Variants in ATL3 observed in about 807,000 individuals in gnomAD.
ATL3 encodes the protein atlastin-3.
A neutral mutation model predicts 69.5 loss-of-function variants in ATL3; 49 were observed. That is an observed-to-expected ratio of 0.71 (90% CI 0.56 to 0.89). The LOEUF (loss-of-function observed/expected upper bound fraction) is 0.89, where lower values mean the gene tolerates loss of function less well. Among genes scored for constraint, ATL3 ranks in the 40% least tolerant of loss-of-function variants. The pLI is 0.00. For synonymous variants in ATL3, 214 were observed against 224.1 expected, an observed-to-expected ratio of 0.95 and a Z score of 0.40; for missense variants, 606 against 645.7, an observed-to-expected ratio of 0.94 and a Z score of 0.67.
chr11:63,653,551 A>G (rs80229891), intron 3 of ATL3, among the ~76,000 whole-genome samples: 2,051 of 152,310 alleles, frequency 0.013, 51 homozygotes, highest in African/African-American at 0.047. Flanking sequence ...GAGTATTTAT[A>G]GGAGCTTTAT....
upstream of ATL3, chr11:63,671,554 T>TAGGCG (rs1355511649): frequency 1.7e-5 from 24 of 1,425,384 alleles, 1 homozygote; most frequent in Non-Finnish European, 1.8e-5. Flanking sequence ...AGGACGAGGC[T>TAGGCG]AGGCGAGGCG....
chr11:63,638,803 C>T (rs1006309182), intron 8 of ATL3, among the ~76,000 whole-genome samples: 1 of 150,952 alleles, frequency 6.6e-6, no homozygotes, highest in African/African-American at 2.4e-5. Context: ...TATACCAAAA[C>T]TAAGATCATG....
At chr11:63,670,864 G>A (rs1377487309) in intron 1 of ATL3, among the ~76,000 whole-genome samples, 1 of 152,236 alleles carries the variant, frequency 6.6e-6, no homozygotes, top group Non-Finnish European at 1.5e-5. Context: ...CGACCAGAGA[G>A]GGCGCTGAGT....
chr11:63,668,029 G>C (rs1253886209), intron 1 of ATL3, among the ~76,000 whole-genome samples: 1 of 152,164 alleles, frequency 6.6e-6, no homozygotes, highest in Non-Finnish European at 1.5e-5. Context: ...CCACTGAGTA[G>C]AGTCAGCCTT....
intron 8 of ATL3, among the ~76,000 whole-genome samples, chr11:63,638,933 T>C (rs989175071): frequency 6.6e-6 from 1 of 152,212 alleles, no homozygotes; most frequent in Non-Finnish European, 1.5e-5. Flanking sequence ...ATGTAGTTCT[T>C]ATGAAATTTA....
chr11:63,671,157 C>A lies in ATL3; in HGVS notation c.46+133G>T, dbSNP rs1432595449. On this transcript the variant is annotated intron_variant, in intron 1 of 12. Coordinates refer to ENST00000398868, the MANE Select transcript of ATL3 (RefSeq NM_015459.5). ...CCACAAATTCGGAAACCGAGTGACC[C>A]CGGCGAGGGACGCGCGGTCCCAGCC... 5 of 1,401,090 alleles carry A rather than the reference C, an allele frequency of 3.6e-6. No homozygotes were observed. In the African/African-American group the frequency reaches 7.7e-5, roughly 21 times the overall value. 86.8% of individuals were successfully genotyped at this position (1,401,090 alleles called of 1,614,324 possible). A position where few individuals can be genotyped will look rare whatever the true frequency, so the allele number is the denominator to read the frequency against.
chr11:63,654,729 G>GCA (rs1940187977), intron 3 of ATL3, among the ~76,000 whole-genome samples: 1 of 102,842 alleles, frequency 9.7e-6, no homozygotes, highest in Non-Finnish European at 1.9e-5. Flanking sequence ...ACAGAGTTTT[G>GCA]CTCGTCACCC....
chr11:63,671,433 A>T, upstream of ATL3: 2 of 1,500,656 alleles, frequency 1.3e-6, no homozygotes, highest in Non-Finnish European at 1.8e-6. Flanking sequence ...AAACGGGCGG[A>T]GCCTGGGCTC....
chr11:63,661,925 C>A (rs1318447482), intron 1 of ATL3, among the ~76,000 whole-genome samples: 2 of 150,664 alleles, frequency 1.3e-5, no homozygotes, highest in Non-Finnish European at 1.5e-5. Context: ...GAAGGAAATT[C>A]ATTCAGGCTA....
chr11:63,644,939 G>A (rs554404729), intron 6 of ATL3, among the ~76,000 whole-genome samples: 74 of 152,172 alleles, frequency 4.9e-4, no homozygotes, highest in African/African-American at 1.5e-3. Flanking sequence ...ATCTGTGGCC[G>A]GGCACAGTGG....
At chr11:63,671,459 A>G, upstream of ATL3, 18 of 1,483,058 alleles carry the variant, frequency 1.2e-5, no homozygotes, top group Non-Finnish European at 1.6e-5. Flanking sequence ...AAAACTAGCC[A>G]GAAGGTGGGG....
At chr11:63,666,936 CATCT>C (rs1940589618) in intron 1 of ATL3, among the ~76,000 whole-genome samples, 1 of 152,202 alleles carries the variant, frequency 6.6e-6, no homozygotes, top group South Asian at 2.1e-4. Flanking sequence ...ACCACTGTTA[CATCT>C]ATCATTCATA....
intron 1 of ATL3, among the ~76,000 whole-genome samples, chr11:63,660,843 T>C (rs946636988): frequency 2.0e-5 from 3 of 151,988 alleles, no homozygotes; most frequent in Non-Finnish European, 4.4e-5. Context: ...TTTATTTAGA[T>C]ATATATATAC....
At chr11:63,631,692 T>C (rs972230556) in intron 11 of ATL3, among the ~76,000 whole-genome samples, 3 of 152,142 alleles carry the variant, frequency 2.0e-5, no homozygotes, top group Non-Finnish European at 2.9e-5. Context: ...GAAAGAGCAG[T>C]GACACTGGGA....
At position 63,633,014 on chromosome 11, in the gene ATL3, T is replaced by C; in HGVS notation, c.1107+12A>G. Reference sequence around the variant, plus strand: ...TATAGATATTTCAGAATAAGGCGTATGTCCCACGTACCTCTTCCATGTTGT... The same window carrying C: ...TATAGATATTTCAGAATAAGGCGTACGTCCCACGTACCTCTTCCATGTTGT... On this transcript the variant is annotated intron_variant, in intron 11 of 12. Transcript: ENST00000398868. 6.2e-7 allele frequency: 1 copy of C among 1,612,130 alleles called. No individual in the cohort carries two copies. The highest frequency in any genetic ancestry group is 8.5e-7 in the Non-Finnish European group (1 of 1,178,212).
chr11:63,652,092 T>C, intron 4 of ATL3, 106 bp from the exon 5 acceptor site: 1 of 1,492,184 alleles, frequency 6.7e-7, no homozygotes, highest in Non-Finnish European at 8.9e-7. Flanking sequence ...GACTTGCATA[T>C]AAGAACATGA....
intron 7 of ATL3, among the ~76,000 whole-genome samples, chr11:63,643,742 G>T (rs1939776000): frequency 6.6e-6 from 1 of 152,230 alleles, no homozygotes; most frequent in Non-Finnish European, 1.5e-5. Context: ...GAGATGGTTT[G>T]TGGGGATGAA....
At chr11:63,636,860 C>A (rs1939535144) in intron 8 of ATL3, among the ~76,000 whole-genome samples, 1 of 152,152 alleles carries the variant, frequency 6.6e-6, no homozygotes, top group Non-Finnish European at 1.5e-5. Flanking sequence ...TTTCTCCTTC[C>A]CCACTGTAGT....
Position 63,629,375 on chromosome 11 carries a change from C to A in ATL3, c.1570G>T (p.Ala524Ser). 1 of 1,614,110 alleles carries A rather than the reference C, an allele frequency of 6.2e-7. No individual in the cohort carries two copies. The highest frequency in any genetic ancestry group is 8.5e-7 in the Non-Finnish European group (1 of 1,180,012). Residue 524 changes from alanine (A) to serine (S), a missense_variant, in exon 13 of 13, where the codon GCC becomes TCC. Ala to Ser is a moderately conservative substitution (Grantham distance 99, BLOSUM62 1). Coordinates refer to ENST00000398868, the MANE Select transcript of ATL3 (RefSeq NM_015459.5). The part of the protein sequence containing the change: ...ASSHIGNSTQ[A>S]TVRDAVVGRP... ...CCAACAACTGCATCCCTCACAGTGGCCTGAGTGGAATTACCGATATGAGAA... is the reference window on the plus strand; with the variant it reads ...CCAACAACTGCATCCCTCACAGTGGACTGAGTGGAATTACCGATATGAGAA...
Sources: gnomAD v4.1 joint callset for allele counts (sites outside exome capture counted in the v4.1 genomes callset) on GRCh38, gnomAD v4.1.1 for gene constraint, MANE v1.5 for transcripts, NCBI Gene and HGNC (gene_info 2026-07-23, HGNC 2026-07-21) for gene names.